Variants in PIKFYVE observed in about 807,000 individuals in gnomAD.
The protein encoded by PIKFYVE is phosphoinositide kinase, FYVE-type zinc finger containing.
A neutral mutation model predicts 257.9 loss-of-function variants in PIKFYVE; 122 were observed. That is an observed-to-expected ratio of 0.47 (90% CI 0.41 to 0.55). The LOEUF (loss-of-function observed/expected upper bound fraction) is 0.55. PIKFYVE is among the 20% of genes least tolerant of loss of function. The pLI, the probability that PIKFYVE is intolerant of heterozygous loss-of-function variation, is 0.00. For missense variants in PIKFYVE, 2,160 were observed against 2,536.6 expected (o/e 0.85, Z 3.19); for synonymous variants, 892 against 868.9 (o/e 1.03, Z -0.47).
In PIKFYVE at chr2:208,347,867, G is replaced by T. The variant is rs751508692; in HGVS notation, c.5218G>T (p.Ala1740Ser). Residue 1740 changes from alanine to serine, a missense_variant, in exon 35 of 42, where the codon GCT becomes TCT. By Grantham distance (99) the Ala-to-Ser change is moderately conservative (BLOSUM62 1). Coordinates refer to ENST00000264380, the MANE Select transcript of PIKFYVE (RefSeq NM_015040.4). ...TETEPQPTKK[A>S]SGMLSFFRGT... Reference sequence around the variant, plus strand: ...TTACTTCTTATTTTTAGCCAAAAAGGCTTCTGGAATGTTGTCCTTCTTCAG... The same window carrying T: ...TTACTTCTTATTTTTAGCCAAAAAGTCTTCTGGAATGTTGTCCTTCTTCAG... 16 of 1,612,578 alleles carry T rather than the reference G, an allele frequency of 9.9e-6. No individual in the cohort carries two copies. The East Asian group carries it at 1.6e-4, about 16-fold the overall frequency.
chr2:208,355,428 C>T lies in PIKFYVE; in HGVS notation c.*123C>T. On this transcript the variant is annotated 3_prime_UTR_variant, in exon 42 of 42. Coordinates refer to ENST00000264380, the MANE Select transcript of PIKFYVE (RefSeq NM_015040.4). ...CACTGTATGCCAAGGCTTTTCAGTT[C>T]TGTGGCTGTTTAGACTGTCCGTAAT... The T allele has an allele frequency of 1.2e-6, 1 of 801,372 alleles. No individual in the cohort carries two copies. The highest frequency in any genetic ancestry group is 2.0e-6 in the Non-Finnish European group (1 of 488,960). 49.6% of individuals were successfully genotyped at this position (801,372 alleles called of 1,614,324 possible). A position where few individuals can be genotyped will look rare whatever the true frequency, so the allele number is the denominator to read the frequency against.
intron 35 of PIKFYVE, among the ~76,000 whole-genome samples, chr2:208,349,343 A>G (rs1300142692): frequency 1.3e-5 from 2 of 152,056 alleles, no homozygotes; most frequent in Non-Finnish European, 2.9e-5. Flanking sequence ...TCTTCTAGAT[A>G]TTAAGATGTA....
In PIKFYVE at chr2:208,304,178, A is replaced by C; in HGVS notation, c.1328A>C (p.Glu443Ala). Reference protein sequence around the residue: ...YALYRPLQSTEFSETPSPDSD... With the variant: ...YALYRPLQSTAFSETPSPDSD... ...CTGTCTTCATCCTTTCAGAGTACAG[A>C]ATTTTCTGAGACGCCTTCTCCCGAC... The change falls in exon 11 of 42, where the codon GAA becomes GCA. Residue 443 changes from glutamate (E) to alanine (A), a missense_variant. Transcript: ENST00000264380. The C allele has an allele frequency of 2.5e-6, 4 of 1,614,134 alleles. No individual in the cohort carries two copies. The highest frequency in any genetic ancestry group is 3.4e-6 in the Non-Finnish European group (4 of 1,180,006).
chr2:208,335,777 C>T lies in PIKFYVE; in HGVS notation c.4257-16C>T, dbSNP rs1698073842. 6.4e-7 allele frequency: 1 copy of T among 1,572,988 alleles called. No individual in the cohort carries two copies. The highest frequency in any genetic ancestry group is 1.1e-5 in the South Asian group (1 of 90,112). On this transcript the variant is annotated splice_polypyrimidine_tract_variant and intron_variant, in intron 25 of 41. Coordinates refer to ENST00000264380, the MANE Select transcript of PIKFYVE (RefSeq NM_015040.4). ...TTCACCCTTTCTAAAGTGTTTAATGCTCTCGCTATTGTTAGAGTTTCACAG... is the reference window on the plus strand; with the variant it reads ...TTCACCCTTTCTAAAGTGTTTAATGTTCTCGCTATTGTTAGAGTTTCACAG...
At chr2:208,337,002 G>T in intron 28 of PIKFYVE, 74 bp downstream of exon 28, 2 of 1,199,574 alleles carry the variant, frequency 1.7e-6, no homozygotes, top group Non-Finnish European at 2.4e-6. Flanking sequence ...TACTTAGCAG[G>T]GATAGTTTAA....
chr2:208,305,241 A>G, intron 12 of PIKFYVE: 1 of 1,408,996 alleles, frequency 7.1e-7, no homozygotes, highest in Non-Finnish European at 9.3e-7. Flanking sequence ...CCCAGTGTAA[A>G]GCTTGTAGTC....
Position 208,315,483 on chromosome 2 carries a change from G to A in PIKFYVE, c.2007+110G>A. 3 of 1,301,276 alleles carry A rather than the reference G, an allele frequency of 2.3e-6. No individual in the cohort carries two copies. In the South Asian group the frequency reaches 3.8e-5, roughly 16 times the overall value. The allele number at this position is 1,301,276 out of a possible 1,614,324, so 80.6% of individuals were successfully genotyped here. Reference sequence around the variant, plus strand: ...GAGTCATTACCCTGAGGGGTGCTAGGTGAGGAGTAGGAGGTTTTGCTGTCT... The same window carrying A: ...GAGTCATTACCCTGAGGGGTGCTAGATGAGGAGTAGGAGGTTTTGCTGTCT... On this transcript the variant is annotated intron_variant, in intron 15 of 41. Transcript: ENST00000264380.
intron 16 of PIKFYVE, among the ~76,000 whole-genome samples, chr2:208,319,453 T>G (rs941769663): frequency 2.0e-5 from 3 of 152,242 alleles, no homozygotes; most frequent in Non-Finnish European, 2.9e-5. Context: ...ATGTTGTGCC[T>G]TCTCAGAAAG....
chr2:208,266,387 AGCCGGCGCG>A lies in PIKFYVE; in HGVS notation c.-32_-24del, dbSNP rs1688627641. 6.6e-6 allele frequency: 1 copy of A among 152,358 alleles called. No individual in the cohort carries two copies. The highest frequency in any genetic ancestry group is 1.5e-5 in the Non-Finnish European group (1 of 68,304). The allele number at this position is 152,358 out of a possible 1,614,324, so 9.4% of individuals were successfully genotyped here. A position where few individuals can be genotyped will look rare whatever the true frequency, so the allele number is the denominator to read the frequency against. On this transcript the variant is annotated 5_prime_UTR_variant, in exon 1 of 42. Coordinates refer to ENST00000264380, the MANE Select transcript of PIKFYVE (RefSeq NM_015040.4). ...TGAAGCGGAGGCTGGGGCGGGGGGC[AGCCGGCGCG>A]GCCGGGGCAGGAGGCGCAGGTAAGG...
At chr2:208,316,679 A>T (rs1202149397) in intron 15 of PIKFYVE, among the ~76,000 whole-genome samples, 1 of 152,206 alleles carries the variant, frequency 6.6e-6, no homozygotes, top group African/African-American at 2.4e-5. Context: ...CGCCAAGTCA[A>T]TCCTAAGCCA....
At chr2:208,277,918 G>T (rs1219536100) in intron 5 of PIKFYVE, among the ~76,000 whole-genome samples, 1 of 152,138 alleles carries the variant, frequency 6.6e-6, no homozygotes, top group Non-Finnish European at 1.5e-5. Flanking sequence ...GAGTAAAAGT[G>T]TATTTATTGT....
At position 208,335,781 on chromosome 2, in the gene PIKFYVE, C is replaced by T. The variant is rs1294781511; in HGVS notation, c.4257-12C>T. 21 of 1,585,512 alleles carry T rather than the reference C, an allele frequency of 1.3e-5. No individual in the cohort carries two copies. Among genetic ancestry groups the T allele is most frequent in the Non-Finnish European group, 1.6e-5 (18 of 1,154,844 alleles). ...CCCTTTCTAAAGTGTTTAATGCTCTCGCTATTGTTAGAGTTTCACAGGTAT... is the reference window on the plus strand; with the variant it reads ...CCCTTTCTAAAGTGTTTAATGCTCTTGCTATTGTTAGAGTTTCACAGGTAT... On this transcript the variant is annotated splice_polypyrimidine_tract_variant and intron_variant, in intron 25 of 41. Coordinates refer to ENST00000264380, the MANE Select transcript of PIKFYVE (RefSeq NM_015040.4).
In PIKFYVE at chr2:208,315,288, T is replaced by C; in HGVS notation, c.1922T>C (p.Val641Ala). Reference protein sequence around the residue: ...SSWRDIIVSLVCQVVQTVRPD... With the variant: ...SSWRDIIVSLACQVVQTVRPD... ...TGGAGGGACATCATCGTGTCATTGG[T>C]CTGCCAGGTTGTTCAGACAGTCCGA... Residue 641 changes from valine to alanine, a missense_variant, in exon 15 of 42, where the codon GTC (valine) becomes GCC (alanine). Around this residue, in one of 12 missense-constraint regions of PIKFYVE, gnomAD observed 346 missense variants for 365.6 expected, o/e 0.95. Transcript: ENST00000264380. 6.2e-7 allele frequency: 1 copy of C among 1,614,192 alleles called. No individual in the cohort carries two copies. Among genetic ancestry groups the C allele is most frequent in the South Asian group, 1.1e-5 (1 of 91,086 alleles).
intron 22 of PIKFYVE, among the ~76,000 whole-genome samples, chr2:208,330,246 T>TA (rs1437549921): frequency 2.0e-5 from 3 of 152,184 alleles, no homozygotes; most frequent in Non-Finnish European, 4.4e-5. Flanking sequence ...ACTCGCCACT[T>TA]ATATGACAAA....
intron 24 of PIKFYVE, 40 bp downstream of exon 24, chr2:208,333,533 C>T: frequency 6.3e-7 from 1 of 1,588,966 alleles, no homozygotes; most frequent in South Asian, 1.1e-5. Context: ...TCTCAGATCT[C>T]ATAATCCCTT....
At position 208,324,366 on chromosome 2, in the gene PIKFYVE, CT is replaced by C. The variant is rs1050743769; in HGVS notation, c.2331+91del. ...GCACGTATGGTAGGTATACAAGAAT[CT>C]TTTTTTCTTTGCTGTTCTATTTGTA... On this transcript the variant is annotated intron_variant, in intron 18 of 41. Coordinates refer to ENST00000264380, the MANE Select transcript of PIKFYVE (RefSeq NM_015040.4). 2.8e-6 allele frequency: 4 copies of C among 1,414,500 alleles called. No individual in the cohort carries two copies. The African/African-American group carries it at 4.3e-5, about 15-fold the overall frequency. The allele number at this position is 1,414,500 out of a possible 1,614,324, so 87.6% of individuals were successfully genotyped here. A position where few individuals can be genotyped will look rare whatever the true frequency, so the allele number is the denominator to read the frequency against.
intron 23 of PIKFYVE, among the ~76,000 whole-genome samples, chr2:208,332,353 T>C (rs948084769): frequency 3.9e-5 from 6 of 152,184 alleles, no homozygotes; most frequent in African/African-American, 1.4e-4. Flanking sequence ...TTCTTAAATA[T>C]TGTTGGAGAC....
At chr2:208,266,910 G>A (rs954134934) in intron 1 of PIKFYVE, among the ~76,000 whole-genome samples, 1 of 152,152 alleles carries the variant, frequency 6.6e-6, no homozygotes, top group African/African-American at 2.4e-5. Flanking sequence ...TTTCAACTTA[G>A]GTTTTGGAGT....
chr2:208,357,872 C>A lies in PIKFYVE; in HGVS notation c.*2567C>A, dbSNP rs571937558. The A allele has an allele frequency of 1.3e-5, 2 of 152,130 alleles. No homozygotes were observed. Among genetic ancestry groups the A allele is most frequent in the South Asian group, 4.2e-4 (2 of 4,806 alleles). 9.4% of individuals were successfully genotyped at this position (152,130 alleles called of 1,614,324 possible). The stretch of plus-strand genomic sequence containing the variant: ...GAGTCCCGAGAATAATTGATAGTAG[C>A]AAGAGAAAACTATGTCAGTAACATG... On this transcript the variant is annotated 3_prime_UTR_variant, in exon 42 of 42. Coordinates refer to ENST00000264380, the MANE Select transcript of PIKFYVE (RefSeq NM_015040.4).
Sources: gnomAD v4.1 joint callset for allele counts (sites outside exome capture counted in the v4.1 genomes callset) on GRCh38, gnomAD v4.1.1 for gene constraint, gnomAD v4.1.1 regional missense constraint, MANE v1.5 for transcripts, NCBI Gene and HGNC (gene_info 2026-07-23, HGNC 2026-07-21) for gene names.